SRP68: variants seen among roughly 807,000 people sequenced by gnomAD.
SRP68 encodes signal recognition particle subunit SRP68.
A neutral mutation model predicts 82.2 loss-of-function variants in SRP68; 15 were observed. The ratio of observed to expected loss-of-function variants is 0.18; its 90% CI spans 0.12 to 0.28. SRP68 has a LOEUF of 0.28. SRP68 is among the 10% of genes least tolerant of loss of function. The pLI is 1.00. For synonymous variants in SRP68, 261 were observed against 292.6 expected (o/e 0.89, Z 1.10); for missense variants, 595 against 780.5 (o/e 0.76, Z 2.83).
chr17:76,051,693 T>C (rs996910239), intron 8 of SRP68, among the ~76,000 whole-genome samples: 3 of 152,226 alleles, frequency 2.0e-5, no homozygotes, highest in African/African-American at 7.2e-5. Flanking sequence ...TTTCCACTTA[T>C]AAGTTACTTG....
intron 9 of SRP68, chr17:76,048,233 C>T (rs1313607033): frequency 2.9e-5 from 6 of 204,952 alleles, no homozygotes; most frequent in African/African-American, 4.6e-5. Flanking sequence ...CACTCCTCCC[C>T]GTGCCTAACC....
rs1358118020 is a variant in SRP68, at chr17:76,039,365, T to C, written c.*341A>G. The C allele has an allele frequency of 4.0e-6, 2 of 505,164 alleles. No individual in the cohort carries two copies. The highest frequency in any genetic ancestry group is 3.1e-5 in the South Asian group (2 of 64,990). The allele number at this position is 505,164 out of a possible 1,614,324, so 31.3% of individuals were successfully genotyped here. On this transcript the variant is annotated 3_prime_UTR_variant, in exon 16 of 16. Transcript: ENST00000307877. ...GTACTGAAGAAGCATGACAAAGCGT[T>C]TCAAGGCCCCATCTGTGCCTGGTGT...
Position 76,040,435 on chromosome 17 carries a change from T to C in SRP68, c.1640A>G (p.Gln547Arg). ...DAHQTETSSS[Q>R]VKDNKPLVER... ...CAGACTTACCTTATTGTCCTTGACT[T>C]GGGAGGAGGAGGTCTCTGTTTGATG... Residue 547 changes from glutamine (Q) to arginine (R), a missense_variant, in exon 15 of 16, where the codon CAA becomes CGA. Transcript: ENST00000307877. The C allele has an allele frequency of 6.2e-7, 1 of 1,614,136 alleles. No homozygotes were observed. The highest frequency in any genetic ancestry group is 8.5e-7 in the Non-Finnish European group (1 of 1,179,964).
Position 76,043,817 on chromosome 17 carries a change from C to G in SRP68, c.1524+12G>C. The G allele has an allele frequency of 1.3e-6, 2 of 1,583,368 alleles. No individual in the cohort carries two copies. Among genetic ancestry groups the G allele is most frequent in the Non-Finnish European group, 1.7e-6 (2 of 1,169,390 alleles). On this transcript the variant is annotated intron_variant, in intron 13 of 15. Transcript: ENST00000307877. ...GCCAGGGCTTGCAAACAAGGAGAGG[C>G]CAACCTCTCACCTTTAGGCTGTTCT... is the stretch of plus-strand genomic sequence containing the variant.
At chr17:76,041,865 T>C (rs2066592931) in intron 13 of SRP68, among the ~76,000 whole-genome samples, 1 of 151,256 alleles carries the variant, frequency 6.6e-6, no homozygotes, top group Admixed American at 6.6e-5. Flanking sequence ...CTGGCGTGAC[T>C]CCATCAACGA....
At chr17:76,055,597 TA>T (rs990787168) in intron 8 of SRP68, among the ~76,000 whole-genome samples, 4 of 151,038 alleles carry the variant, frequency 2.6e-5, no homozygotes, top group Non-Finnish European at 4.4e-5. Flanking sequence ...CTACTAAAAA[TA>T]AAAAAATTAG....
intron 8 of SRP68, 73 bp downstream of exon 8, chr17:76,057,330 C>CA: frequency 6.3e-7 from 1 of 1,578,294 alleles, no homozygotes; most frequent in Non-Finnish European, 8.7e-7. Flanking sequence ...ACCAACGAGC[C>CA]ACTACATCTT....
intron 7 of SRP68, among the ~76,000 whole-genome samples, chr17:76,058,179 GT>G (rs2066725949): frequency 6.7e-6 from 1 of 149,800 alleles, no homozygotes; most frequent in Admixed American, 6.7e-5. Flanking sequence ...TTGAGACGGA[GT>G]TTTGCTCTTG....
At chr17:76,040,679 A>C (rs2066582810) in intron 14 of SRP68, 2 of 663,398 alleles carry the variant, frequency 3.0e-6, no homozygotes, top group Admixed American at 2.5e-5. Flanking sequence ...TGAAGCCAGC[A>C]CAGTTGCATG....
chr17:76,070,419 C>A lies in SRP68; in HGVS notation c.210G>T (p.Gln70His), dbSNP rs1366450661. The A allele has an allele frequency of 6.2e-7, 1 of 1,614,094 alleles. No individual in the cohort carries two copies. Among genetic ancestry groups the A allele is most frequent in the South Asian group, 1.1e-5 (1 of 91,078 alleles). ...CTCCATGCCGTAAACCATGCTGCTGCTGGGATTCCTTAATAATCTGAAGAA... is the reference window on the plus strand; with the variant it reads ...CTCCATGCCGTAAACCATGCTGCTGATGGGATTCCTTAATAATCTGAAGAA... ...LEILQIIKES[Q>H]QQHGLRHGDF... The change falls in exon 2 of 16, where the codon CAG (glutamine) becomes CAT (histidine). Residue 70 changes from glutamine to histidine, a missense_variant. Gln to His is a conservative substitution (Grantham distance 24). Around this residue, in one of 2 missense-constraint regions of SRP68, gnomAD observed 495 missense variants for 688.6 expected, o/e 0.72. Coordinates refer to ENST00000307877, the MANE Select transcript of SRP68 (RefSeq NM_014230.4).
intron 14 of SRP68, 33 bp downstream of exon 14, chr17:76,040,870 T>C (rs2066584704): frequency 3.1e-6 from 5 of 1,605,616 alleles, no homozygotes; most frequent in Non-Finnish European, 4.3e-6. Context: ...GGAAGGGAAG[T>C]CTGGGGATAC....
intron 4 of SRP68, among the ~76,000 whole-genome samples, chr17:76,063,643 G>A (rs1032403616): frequency 2.0e-5 from 3 of 148,830 alleles, no homozygotes; most frequent in East Asian, 2.0e-4. Context: ...AGCTGAGAAC[G>A]CGCCACTGCA....
At chr17:76,040,717 G>A (rs933193190) in intron 14 of SRP68, 186 bp downstream of exon 14, 2 of 666,238 alleles carry the variant, frequency 3.0e-6, no homozygotes, top group Admixed American at 2.6e-5. Context: ...AAGGGCCAGT[G>A]TAACAGTGCA....
intron 8 of SRP68, among the ~76,000 whole-genome samples, chr17:76,054,101 T>G (rs1457758213): frequency 2.6e-5 from 4 of 152,214 alleles, no homozygotes; most frequent in Non-Finnish European, 5.9e-5. Flanking sequence ...AATCAATCAA[T>G]CCTAGGTCAG....
intron 3 of SRP68, among the ~76,000 whole-genome samples, chr17:76,064,971 G>A (rs2066795885): frequency 2.0e-5 from 3 of 152,006 alleles, no homozygotes; most frequent in Admixed American, 6.6e-5. Flanking sequence ...ACCTTTCTGC[G>A]CACCGCTCTC....
At chr17:76,063,892 T>C in intron 4 of SRP68, 84 bp downstream of exon 4, 1 of 1,277,284 alleles carries the variant, frequency 7.8e-7, no homozygotes. Flanking sequence ...TTTCTAACAC[T>C]AAGAAACTCT....
chr17:76,056,773 T>G (rs1302800802), intron 8 of SRP68, among the ~76,000 whole-genome samples: 1 of 152,194 alleles, frequency 6.6e-6, no homozygotes, highest in Non-Finnish European at 1.5e-5. Context: ...AGCAGCCTGT[T>G]TTTTTAAAGA....
intron 8 of SRP68, among the ~76,000 whole-genome samples, chr17:76,052,333 C>T (rs1440960085): frequency 6.6e-6 from 1 of 152,148 alleles, no homozygotes; most frequent in Non-Finnish European, 1.5e-5. Context: ...CCTTACTGGC[C>T]TAATTTTTCA....
At position 76,043,810 on chromosome 17, in the gene SRP68, G is replaced by A. The variant is rs770930068; in HGVS notation, c.1524+19C>T. On this transcript the variant is annotated intron_variant, in intron 13 of 15. Transcript: ENST00000307877. Reference sequence around the variant, plus strand: ...ATAACCTGCCAGGGCTTGCAAACAAGGAGAGGCCAACCTCTCACCTTTAGG... The same window carrying A: ...ATAACCTGCCAGGGCTTGCAAACAAAGAGAGGCCAACCTCTCACCTTTAGG... 3.7e-5 allele frequency: 59 copies of A among 1,575,328 alleles called. No individual in the cohort carries two copies. The South Asian group carries it at 4.8e-4, about 13-fold the overall frequency.
Sources: gnomAD v4.1 joint callset for allele counts (sites outside exome capture counted in the v4.1 genomes callset) on GRCh38, gnomAD v4.1.1 for gene constraint, gnomAD v4.1.1 regional missense constraint, MANE v1.5 for transcripts, NCBI Gene and HGNC (gene_info 2026-07-23, HGNC 2026-07-21) for gene names.